The following CSMD2 variants were observed in gnomAD, a reference collection of about 807,000 sequenced individuals.
CSMD2 encodes CUB and Sushi multiple domains 2, also known as CUB and sushi domain-containing protein 2.
In CSMD2, 130 loss-of-function variants were observed where a neutral mutation model predicts 398.5. That is an observed-to-expected ratio of 0.33 (90% CI 0.28 to 0.38). The LOEUF (loss-of-function observed/expected upper bound fraction) is 0.38. Ranked by LOEUF, CSMD2 falls within the 10% of genes least tolerant of loss-of-function variation. The probability of loss-of-function intolerance (pLI) is 1.00; values close to 1 mark genes in which losing one functional copy is unlikely to be tolerated. For missense variants in CSMD2, 3,829 were observed against 4,764.9 expected, an observed-to-expected ratio of 0.80 and a Z score of 5.78; for synonymous variants, 1,828 against 1,908.5, an observed-to-expected ratio of 0.96 and a Z score of 1.10.
chr1:33,672,736 C>T (rs187281954), intron 25 of CSMD2, among the ~76,000 whole-genome samples: 1 of 152,320 alleles, frequency 6.6e-6, no homozygotes, highest in African/African-American at 2.4e-5. Flanking sequence ...TGACACCTCA[C>T]ACGGCTGGGT....
intron 5 of CSMD2, among the ~76,000 whole-genome samples, chr1:33,877,735 G>T (rs1443462134): frequency 6.6e-6 from 1 of 152,010 alleles, no homozygotes; most frequent in East Asian, 1.9e-4. Context: ...AAATTGAAAA[G>T]AATACTTTTC....
At chr1:34,048,074 C>T (rs1354945211) in intron 2 of CSMD2, among the ~76,000 whole-genome samples, 2 of 152,224 alleles carry the variant, frequency 1.3e-5, no homozygotes, top group Non-Finnish European at 2.9e-5. Flanking sequence ...GTATCCAGCA[C>T]CACGTGTCAG....
chr1:33,673,581 C>G (rs921775981), intron 25 of CSMD2, among the ~76,000 whole-genome samples: 1 of 152,070 alleles, frequency 6.6e-6, no homozygotes, highest in East Asian at 1.9e-4. Flanking sequence ...GCAAGGCAGG[C>G]CAACATTCAA....
chr1:33,864,670 A>G, intron 5 of CSMD2: 1 of 1,613,916 alleles, frequency 6.2e-7, no homozygotes, highest in Non-Finnish European at 8.5e-7. Flanking sequence ...CTTGAACTCT[A>G]CCGTAAACAA....
chr1:34,123,547 C>G (rs891358891), intron 1 of CSMD2, among the ~76,000 whole-genome samples: 51 of 151,818 alleles, frequency 3.4e-4, no homozygotes, highest in Admixed American at 9.8e-4. Context: ...GGAACCCCAA[C>G]TTGAAGCCAA....
chr1:33,635,180 A>G lies in CSMD2; in HGVS notation c.5086+34T>C. ...TTTTGGAATGAGGGTGAGGAGTCAG[A>G]AAACATATGAACAACAACAACCAAA... On this transcript the variant is annotated intron_variant, in intron 31 of 70. Coordinates refer to ENST00000373381, the MANE Select transcript of CSMD2 (RefSeq NM_001281956.2). This position sits in a 1 kb window ranked among gnomAD's most constrained non-coding sequence, Gnocchi z 5.0. 7.2e-7 allele frequency: 1 copy of G among 1,384,320 alleles called. No homozygotes were observed. Among genetic ancestry groups the G allele is most frequent in the Admixed American group, 1.7e-5 (1 of 58,478 alleles). 85.8% of individuals were successfully genotyped at this position (1,384,320 alleles called of 1,614,324 possible).
chr1:33,851,336 T>C (rs1207404404), intron 5 of CSMD2, among the ~76,000 whole-genome samples: 1 of 152,206 alleles, frequency 6.6e-6, no homozygotes, highest in African/African-American at 2.4e-5. Context: ...GAGCATCTCC[T>C]GTGGGCATTA....
At chr1:34,092,617 T>C (rs1658732132) in intron 1 of CSMD2, among the ~76,000 whole-genome samples, 1 of 151,890 alleles carries the variant, frequency 6.6e-6, no homozygotes, top group Non-Finnish European at 1.5e-5. Flanking sequence ...GGGCAGGGAG[T>C]TCCCTTTCCT....
At chr1:33,530,221 T>C (rs760363697) in intron 64 of CSMD2, among the ~76,000 whole-genome samples, 8 of 152,042 alleles carry the variant, frequency 5.3e-5, no homozygotes, top group Non-Finnish European at 1.0e-4. Flanking sequence ...AAGGAACATA[T>C]AGAAGGAACT....
intron 7 of CSMD2, among the ~76,000 whole-genome samples, chr1:33,822,558 C>T (rs149977670): frequency 6.6e-6 from 1 of 152,240 alleles, no homozygotes; most frequent in Non-Finnish European, 1.5e-5. Flanking sequence ...TTGTCTCTTA[C>T]GCCCATCCCC....
chr1:34,132,828 C>T (rs1663504003), intron 1 of CSMD2, among the ~76,000 whole-genome samples: 1 of 152,218 alleles, frequency 6.6e-6, no homozygotes, highest in African/African-American at 2.4e-5. Context: ...GGCCTTCAGA[C>T]TCAGACTGAA....
chr1:33,668,380 A>C (rs182308083), intron 25 of CSMD2, among the ~76,000 whole-genome samples: 1 of 152,328 alleles, frequency 6.6e-6, no homozygotes, highest in East Asian at 1.9e-4. Context: ...GAGTGGATGC[A>C]GGGAAATTAG....
At chr1:33,954,977 G>A (rs1645119237) in intron 3 of CSMD2, among the ~76,000 whole-genome samples, 1 of 152,166 alleles carries the variant, frequency 6.6e-6, no homozygotes, top group Admixed American at 6.5e-5. Flanking sequence ...GTGGTGTTAT[G>A]TGTATTTCAC....
intron 3 of CSMD2, among the ~76,000 whole-genome samples, chr1:34,012,818 C>T (rs1000892805): frequency 5.3e-5 from 8 of 152,156 alleles, no homozygotes; most frequent in Admixed American, 1.3e-4. Flanking sequence ...TTCAAACACA[C>T]ACAGTCACAT....
chr1:33,596,224 G>A (rs1006350300), intron 44 of CSMD2, among the ~76,000 whole-genome samples: 1 of 152,010 alleles, frequency 6.6e-6, no homozygotes, highest in African/African-American at 2.4e-5. Context: ...TTCCTGGGCT[G>A]AACCTTCTCT....
At chr1:33,915,486 A>G (rs1643676004) in intron 5 of CSMD2, among the ~76,000 whole-genome samples, 1 of 152,206 alleles carries the variant, frequency 6.6e-6, no homozygotes, top group South Asian at 2.1e-4. Context: ...TATAGCAAAG[A>G]GTTCTGAGTG....
At chr1:33,889,655 CATATAT>C (rs61533322) in intron 5 of CSMD2, among the ~76,000 whole-genome samples, 25,281 of 151,096 alleles carry the variant, frequency 0.17, 4,371 homozygotes, top group African/African-American at 0.44. Flanking sequence ...ATGAGGCTGA[CATATAT>C]ATATATACTG....
intron 1 of CSMD2, among the ~76,000 whole-genome samples, chr1:34,104,492 A>T (rs575454070): frequency 6.6e-6 from 1 of 152,334 alleles, no homozygotes; most frequent in South Asian, 2.1e-4. Flanking sequence ...ATCCAGACGG[A>T]GATGGCCAGA....
chr1:34,138,748 C>T (rs973941870), intron 1 of CSMD2, among the ~76,000 whole-genome samples: 13 of 152,258 alleles, frequency 8.5e-5, no homozygotes, highest in African/African-American at 3.1e-4. Context: ...TAACAATTTA[C>T]ACCCCTACAG....
Sources: gnomAD v4.1 joint callset for allele counts (sites outside exome capture counted in the v4.1 genomes callset) on GRCh38, gnomAD v4.1.1 for gene constraint, Gnocchi (gnomAD v3.1) non-coding constraint, MANE v1.5 for transcripts, NCBI Gene and HGNC (gene_info 2026-07-23, HGNC 2026-07-21) for gene names.